HSD17B4: variants seen among roughly 807,000 people sequenced by gnomAD.
The protein encoded by HSD17B4 is hydroxysteroid 17-beta dehydrogenase 4.
In HSD17B4, 70 loss-of-function variants were observed where a neutral mutation model predicts 101.0. That is an observed-to-expected ratio of 0.69 (90% CI 0.57 to 0.85). HSD17B4 has a LOEUF of 0.85. Ranked by LOEUF, HSD17B4 falls within the 40% of genes least tolerant of loss-of-function variation. The pLI, the probability that HSD17B4 is intolerant of heterozygous loss-of-function variation, is 0.00. For missense variants in HSD17B4, 984 were observed against 892.4 expected, an observed-to-expected ratio of 1.10 and a Z score of -1.31; for synonymous variants, 347 against 297.1, an observed-to-expected ratio of 1.17 and a Z score of -1.73.
intron 22 of HSD17B4, among the ~76,000 whole-genome samples, chr5:119,532,297 G>T (rs1327648877): frequency 3.3e-5 from 5 of 152,034 alleles, no homozygotes; most frequent in Admixed American, 2.0e-4. Context: ...ATTTATAATT[G>T]TATGTTTTCT....
chr5:119,486,694 C>T (rs55796175), intron 8 of HSD17B4, among the ~76,000 whole-genome samples: 15,063 of 151,986 alleles, frequency 0.099, 1,029 homozygotes, highest in African/African-American at 0.19. Flanking sequence ...ATGAACATAT[C>T]GGTTGCTTTT....
chr5:119,500,709 T>C (rs1373187331), intron 13 of HSD17B4, among the ~76,000 whole-genome samples: 2 of 151,644 alleles, frequency 1.3e-5, no homozygotes, highest in African/African-American at 4.8e-5. Context: ...GTTGAGAGGG[T>C]AAAGAGATAC....
intron 13 of HSD17B4, among the ~76,000 whole-genome samples, chr5:119,501,540 A>G (rs753619148): frequency 2.0e-5 from 3 of 152,146 alleles, no homozygotes; most frequent in Non-Finnish European, 4.4e-5. Context: ...TTTACAAAGT[A>G]TTATAAGAAA....
chr5:119,495,699 C>T, intron 11 of HSD17B4: 1 of 186,578 alleles, frequency 5.4e-6, no homozygotes, highest in South Asian at 8.1e-5. Flanking sequence ...AAGACAGAGT[C>T]TTGTTCTGTC....
intron 17 of HSD17B4, among the ~76,000 whole-genome samples, chr5:119,522,499 G>A (rs1753209493): frequency 6.6e-6 from 1 of 152,114 alleles, no homozygotes; most frequent in African/African-American, 2.4e-5. Flanking sequence ...AGATCCCTGA[G>A]GAATTGCAAT....
intron 2 of HSD17B4, among the ~76,000 whole-genome samples, chr5:119,472,159 C>T (rs1756436318): frequency 6.6e-6 from 1 of 152,140 alleles, no homozygotes; most frequent in South Asian, 2.1e-4. Flanking sequence ...TTATTTCTTT[C>T]ATTTTAGACA....
At position 119,527,217 on chromosome 5, in the gene HSD17B4, A is replaced by T; in HGVS notation, c.1765A>T (p.Lys589Ter). The change falls in exon 20 of 24, where the codon AAG (lysine) becomes TAG (stop). Residue 589 changes from lysine to a stop codon, truncating the protein, a stop_gained and splice_region_variant. Transcript: ENST00000510025. LOFTEE classifies it high-confidence loss of function. Reference sequence around the variant, plus strand: ...AGGAAACAGAATTCATTTTCAAACCAAGGTATGAATTTTGCTTTTTCACCC... The same window carrying T: ...AGGAAACAGAATTCATTTTCAAACCTAGGTATGAATTTTGCTTTTTCACCC... ...KEGNRIHFQT[K>*]VQETGDIVIS... is the part of the protein sequence containing the mutation. The T allele has an allele frequency of 6.3e-7, 1 of 1,589,126 alleles. No individual in the cohort carries two copies. Among genetic ancestry groups the T allele is most frequent in the Non-Finnish European group, 8.6e-7 (1 of 1,157,922 alleles).
chr5:119,492,129 GTCTC>G lies in HSD17B4; in HGVS notation c.739+10_739+13del, dbSNP rs1208834876. 1 of 1,604,264 alleles carries G rather than the reference GTCTC, an allele frequency of 6.2e-7. No individual in the cohort carries two copies. The highest frequency in any genetic ancestry group is 8.5e-7 in the Non-Finnish European group (1 of 1,171,478). On this transcript the variant is annotated splice_donor_region_variant and intron_variant, in intron 10 of 23. Coordinates refer to ENST00000510025, the MANE Select transcript of HSD17B4 (RefSeq NM_000414.4). The stretch of plus-strand genomic sequence containing the variant: ...GAGCAGGATGGATTGGAAAATGTAA[GTCTC>G]TCTCAGTTTTTGGTTTGTATAGATT...
intron 23 of HSD17B4, among the ~76,000 whole-genome samples, chr5:119,537,787 C>G (rs1481082888): frequency 6.6e-6 from 1 of 152,070 alleles, no homozygotes; most frequent in African/African-American, 2.4e-5. Flanking sequence ...TGACTGTGTT[C>G]CAATAAAACT....
At chr5:119,455,498 CAG>C in intron 1 of HSD17B4, among the ~76,000 whole-genome samples, 1 of 150,428 alleles carries the variant, frequency 6.6e-6, no homozygotes, top group East Asian at 1.9e-4. Flanking sequence ...GCCTGGGCGA[CAG>C]AGTGAGACTG....
chr5:119,458,248 A>G (rs1179424463), intron 2 of HSD17B4, among the ~76,000 whole-genome samples: 1 of 152,036 alleles, frequency 6.6e-6, no homozygotes, highest in Non-Finnish European at 1.5e-5. Context: ...ATTTTGACTG[A>G]TGTTTTCTAT....
At chr5:119,522,006 A>C (rs1753157321) in intron 17 of HSD17B4, among the ~76,000 whole-genome samples, 1 of 151,756 alleles carries the variant, frequency 6.6e-6, no homozygotes, top group Non-Finnish European at 1.5e-5. Flanking sequence ...TTACATACGT[A>C]TACATGTGCC....
intron 16 of HSD17B4, among the ~76,000 whole-genome samples, chr5:119,513,674 G>A (rs1353154602): frequency 6.6e-6 from 1 of 152,094 alleles, no homozygotes; most frequent in African/African-American, 2.4e-5. Flanking sequence ...GGGCAATAAT[G>A]AATTACTGTA....
intron 2 of HSD17B4, among the ~76,000 whole-genome samples, chr5:119,473,147 C>T (rs1451293128): frequency 2.6e-5 from 4 of 151,992 alleles, no homozygotes; most frequent in African/African-American, 9.7e-5. Context: ...CTTCTGATTT[C>T]AGTTCTTTTG....
At chr5:119,501,923 C>G (rs1751202184) in intron 13 of HSD17B4, 118 bp from the exon 14 acceptor site, 1 of 696,652 alleles carries the variant, frequency 1.4e-6, no homozygotes. Context: ...AGATAGATAA[C>G]TTGGAGAGAA....
chr5:119,486,550 T>C (rs1749627053), intron 8 of HSD17B4, among the ~76,000 whole-genome samples: 1 of 152,180 alleles, frequency 6.6e-6, no homozygotes, highest in Admixed American at 6.5e-5. Flanking sequence ...ATGACATTTG[T>C]CATTTAAAAA....
At chr5:119,524,579 C>A (rs572291733) in intron 17 of HSD17B4, among the ~76,000 whole-genome samples, 18 of 152,202 alleles carry the variant, frequency 1.2e-4, no homozygotes, top group African/African-American at 4.3e-4. Flanking sequence ...ACCATTTAAA[C>A]GCCAGAAAGT....
intron 11 of HSD17B4, among the ~76,000 whole-genome samples, chr5:119,494,737 T>C (rs987927550): frequency 1.3e-5 from 2 of 152,152 alleles, no homozygotes; most frequent in African/African-American, 4.8e-5. Context: ...GACTGTATCT[T>C]GTTTGTACTT....
chr5:119,459,785 C>T (rs981744632), intron 2 of HSD17B4, among the ~76,000 whole-genome samples: 8 of 151,984 alleles, frequency 5.3e-5, no homozygotes, highest in Admixed American at 2.6e-4. Flanking sequence ...ATTCATTACC[C>T]GATTAATCTA....
Sources: allele counts gnomAD v4.1 joint callset (sites outside exome capture counted in the v4.1 genomes callset), GRCh38; gene constraint gnomAD v4.1.1; transcripts MANE v1.5; gene names NCBI Gene and HGNC (gene_info 2026-07-23, HGNC 2026-07-21).